The following PHACTR2 variants were observed in gnomAD, a reference collection of about 807,000 sequenced individuals.
PHACTR2 encodes the protein phosphatase and actin regulator 2.
A neutral mutation model predicts 76.0 loss-of-function variants in PHACTR2; 30 were observed. That is an observed-to-expected ratio of 0.39 (90% CI 0.30 to 0.54). PHACTR2 has a LOEUF of 0.54. Ranked by LOEUF, PHACTR2 falls within the 20% of genes least tolerant of loss-of-function variation. PHACTR2 has a pLI of 0.61. For synonymous variants in PHACTR2, 292 were observed against 292.5 expected (o/e 1.00, Z 0.02); for missense variants, 696 against 781.1 (o/e 0.89, Z 1.30).
rs112501693 is a variant in PHACTR2 at position 143,562,649 on chromosome 6, A to G, written c.217+25442A>G. On this transcript the variant is annotated intron_variant, in intron 1 of 11. Coordinates refer to the PHACTR2 transcript ENST00000367584. The surrounding 1 kb of genome is among the most constrained non-coding windows in gnomAD (Gnocchi z 5.1). ...GGGTAATAATCCTGTCTTAAAATTT[A>G]TGTATATACAATTCATGCCACAGAC... Among the ~76,000 whole-genome samples the G allele has an allele frequency of 1.9e-4, 29 of 152,306 alleles. No individual in the cohort carries two copies. The highest frequency in any genetic ancestry group is 6.3e-4 in the African/African-American group (26 of 41,554).
At chr6:143,605,514 C>T (rs943080427), upstream of PHACTR2, among the ~76,000 whole-genome samples, 6 of 151,898 alleles carry the variant, frequency 4.0e-5, no homozygotes, top group Admixed American at 3.3e-4. The surrounding 1 kb of genome is among the most constrained non-coding windows in gnomAD (Gnocchi z 5.0). Context: ...TGCTTTTTCA[C>T]GGTTGCATTG....
At chr6:143,667,786 G>T (rs1777067207) in intron 1 of PHACTR2, among the ~76,000 whole-genome samples, 1 of 152,212 alleles carries the variant, frequency 6.6e-6, no homozygotes, top group Admixed American at 6.5e-5. Flanking sequence ...CTGAGACGAT[G>T]GAGTTTTCTA....
At position 143,742,734 on chromosome 6, in the gene PHACTR2, A is replaced by C. The variant is rs1319570354; in HGVS notation, c.215-6251A>C. On this transcript the variant is annotated intron_variant, in intron 2 of 12. Coordinates refer to ENST00000440869, the MANE Select transcript of PHACTR2 (RefSeq NM_001100164.2). The surrounding 1 kb of genome is among the most constrained non-coding windows in gnomAD (Gnocchi z 4.5). ...AGACATGCCTTTCCTCCTTCCCCCCAAAAAGACACTTAGGTCCCCAATATC... is the reference window on the plus strand; with the variant it reads ...AGACATGCCTTTCCTCCTTCCCCCCCAAAAGACACTTAGGTCCCCAATATC... Among the ~76,000 whole-genome samples, 1 of 152,190 alleles carries C rather than the reference A, an allele frequency of 6.6e-6. No homozygotes were observed. Among genetic ancestry groups the C allele is most frequent in the African/African-American group, 2.4e-5 (1 of 41,446 alleles).
chr6:143,559,269 C>G (rs1249135390), intron 1 of PHACTR2, among the ~76,000 whole-genome samples: 1 of 152,182 alleles, frequency 6.6e-6, no homozygotes, highest in Non-Finnish European at 1.5e-5. Flanking sequence ...TATGATCAAG[C>G]AGGTCAGCCC....
At chr6:143,667,332 T>G (rs1777055971) in intron 1 of PHACTR2, among the ~76,000 whole-genome samples, 1 of 152,230 alleles carries the variant, frequency 6.6e-6, no homozygotes, top group Non-Finnish European at 1.5e-5. Context: ...GCTTTGTTCT[T>G]TTTGCTTAGG....
intron 2 of PHACTR2, among the ~76,000 whole-genome samples, chr6:143,723,776 C>T (rs1262053053): frequency 1.3e-5 from 2 of 151,910 alleles, no homozygotes; most frequent in Non-Finnish European, 2.9e-5. Context: ...CCTACTGCTC[C>T]ATGCCAGATC....
At position 143,595,941 on chromosome 6, in the gene PHACTR2, G is replaced by C. The variant is rs1422390054; in HGVS notation, c.217+58734G>C. ...GGTAGCGTCACTTAGGGAAAAGTTT[G>C]TTCCTTTTTAGTTTTTCTATGGTTC... On this transcript the variant is annotated intron_variant, in intron 1 of 11. Transcript: ENST00000367584. This position sits in a 1 kb window ranked among gnomAD's most constrained non-coding sequence, Gnocchi z 4.2. Among the ~76,000 whole-genome samples, 1 of 152,128 alleles carries C rather than the reference G, an allele frequency of 6.6e-6. No individual in the cohort carries two copies. Among genetic ancestry groups the C allele is most frequent in the Non-Finnish European group, 1.5e-5 (1 of 68,016 alleles).
At position 143,652,911 on chromosome 6, in the gene PHACTR2, C is replaced by T. The variant is rs114046104; in HGVS notation, c.13+44589C>T. Among the ~76,000 whole-genome samples the T allele has an allele frequency of 3.7e-3, 560 of 152,382 alleles. 2 individuals are homozygous for T. Among genetic ancestry groups the T allele is most frequent in the African/African-American group, 0.012 (514 of 41,584 alleles). On this transcript the variant is annotated intron_variant, in intron 1 of 11. Transcript: ENST00000305766. The surrounding 1 kb of genome is among the most constrained non-coding windows in gnomAD (Gnocchi z 4.5). The stretch of plus-strand genomic sequence containing the variant: ...ATTCATGGTCCCTGTGCAGGCACTG[C>T]ACCCAGCACCTTCTCAGGAACATTC...
In PHACTR2 at chr6:143,556,631, C is replaced by T. The variant is rs1354728162; in HGVS notation, c.217+19424C>T. Among the ~76,000 whole-genome samples the T allele has an allele frequency of 6.6e-6, 1 of 152,146 alleles. No homozygotes were observed. Among genetic ancestry groups the T allele is most frequent in the Admixed American group, 6.5e-5 (1 of 15,272 alleles). On this transcript the variant is annotated intron_variant, in intron 1 of 11. Coordinates refer to the PHACTR2 transcript ENST00000367584. This position sits in a 1 kb window ranked among gnomAD's most constrained non-coding sequence, Gnocchi z 4.3. ...AGCCCTAGAGCAGCAATTCAGCTTC[C>T]CAGCTTGGAGGACTCTAGGTTTGAA...
chr6:143,759,712 G>C (rs1440550269), intron 4 of PHACTR2, among the ~76,000 whole-genome samples: 3 of 151,630 alleles, frequency 2.0e-5, no homozygotes, highest in South Asian at 2.1e-4. Context: ...AGGAAGGAAG[G>C]AAAGGGCAGA....
At chr6:143,728,337 G>A (rs182430291) in intron 2 of PHACTR2, among the ~76,000 whole-genome samples, 5 of 148,010 alleles carry the variant, frequency 3.4e-5, no homozygotes, top group East Asian at 4.1e-4. Flanking sequence ...TCAGCCTCCC[G>A]AGTAGCTGGG....
chr6:143,761,967 T>G lies in PHACTR2; in HGVS notation c.694+1327T>G, dbSNP rs1021447334. Among the ~76,000 whole-genome samples, 3 of 152,164 alleles carry G rather than the reference T, an allele frequency of 2.0e-5. No individual in the cohort carries two copies. In the South Asian group the frequency reaches 6.2e-4, roughly 32 times the overall value. ...CATGTCCCGCCTTTGACCTTTAGTG[T>G]CTGGGTCTCTTCTAATAAGCTCTAA... On this transcript the variant is annotated intron_variant, in intron 5 of 12. Transcript: ENST00000440869. This position sits in a 1 kb window ranked among gnomAD's most constrained non-coding sequence, Gnocchi z 5.2.
At position 143,654,542 on chromosome 6, in the gene PHACTR2, C is replaced by T. The variant is rs1312319047; in HGVS notation, c.13+46220C>T. ...AATAAAGGCTGGATACTGTGGCTCACACCTGTAATCTTGGCACTTTGGGAG... is the reference window on the plus strand; with the variant it reads ...AATAAAGGCTGGATACTGTGGCTCATACCTGTAATCTTGGCACTTTGGGAG... On this transcript the variant is annotated intron_variant, in intron 1 of 11. Transcript: ENST00000305766. This position sits in a 1 kb window ranked among gnomAD's most constrained non-coding sequence, Gnocchi z 4.6. Among the ~76,000 whole-genome samples, 1 of 152,154 alleles carries T rather than the reference C, an allele frequency of 6.6e-6. No individual in the cohort carries two copies. Among genetic ancestry groups the T allele is most frequent in the African/African-American group, 2.4e-5 (1 of 41,442 alleles).
At position 143,753,887 on chromosome 6, in the gene PHACTR2, G is replaced by A. The variant is rs768805516; in HGVS notation, c.429G>A (p.Leu143=). 2.5e-6 allele frequency: 4 copies of A among 1,605,150 alleles called. No individual in the cohort carries two copies. The highest frequency in any genetic ancestry group is 1.7e-6 in the Non-Finnish European group (2 of 1,177,572). Residue 143 remains leucine (L), a synonymous_variant, in exon 4 of 13, where the codon CTG becomes CTA. Coordinates refer to ENST00000440869, the MANE Select transcript of PHACTR2 (RefSeq NM_001100164.2). This position sits in a 1 kb window ranked among gnomAD's most constrained non-coding sequence, Gnocchi z 4.6. ...CTGTATCTGAAAAAACACCACCTCT[G>A]GAGGAACAGGCAGAAGATAAGAAAG... is the stretch of plus-strand genomic sequence containing the variant. ...NGSVSEKTPP[L]EEQAEDKKEN... is the part of the protein sequence containing the mutation.
intron 2 of PHACTR2, among the ~76,000 whole-genome samples, chr6:143,719,028 G>A (rs548291942): frequency 2.0e-4 from 30 of 151,560 alleles, no homozygotes; most frequent in Non-Finnish European, 3.7e-4. Context: ...GACTACAGGC[G>A]TGTGCCATTA....
At position 143,730,573 on chromosome 6, in the gene PHACTR2, A is replaced by G. The variant is rs1305579429; in HGVS notation, c.214+18390A>G. Among the ~76,000 whole-genome samples, 1 of 152,222 alleles carries G rather than the reference A, an allele frequency of 6.6e-6. No individual in the cohort carries two copies. Among genetic ancestry groups the G allele is most frequent in the African/African-American group, 2.4e-5 (1 of 41,466 alleles). The stretch of plus-strand genomic sequence containing the variant: ...ACAATTATGTCATCTGTGAATGGGA[A>G]TCATTTTATTTCTTCCATTCTAACC... On this transcript the variant is annotated intron_variant, in intron 2 of 12. Coordinates refer to ENST00000440869, the MANE Select transcript of PHACTR2 (RefSeq NM_001100164.2). This position sits in a 1 kb window ranked among gnomAD's most constrained non-coding sequence, Gnocchi z 4.8.
chr6:143,685,112 T>A lies in PHACTR2; in HGVS notation c.46+6903T>A, dbSNP rs951307107. Among the ~76,000 whole-genome samples, 12 of 152,226 alleles carry A rather than the reference T, an allele frequency of 7.9e-5. No homozygotes were observed. The East Asian group carries it at 2.3e-3, about 29-fold the overall frequency. ...TTATAGAAACCTTTAAATTTTTAAG[T>A]CAAGTTGATTAGTCGTTTTCTTTCT... On this transcript the variant is annotated intron_variant, in intron 1 of 12. Coordinates refer to ENST00000440869, the MANE Select transcript of PHACTR2 (RefSeq NM_001100164.2).
Position 143,767,608 on chromosome 6 carries a change from G to A in PHACTR2, c.1232+1810G>A, listed in dbSNP as rs1779588413. ...TAGAATATTGGCTTACAGTCCTAGG[G>A]GCTGAGAAGTCCAAGATCAAGGCAG... On this transcript the variant is annotated intron_variant, in intron 6 of 12. Transcript: ENST00000440869. The surrounding 1 kb of genome is among the most constrained non-coding windows in gnomAD (Gnocchi z 4.4). Among the ~76,000 whole-genome samples, 1 of 152,084 alleles carries A rather than the reference G, an allele frequency of 6.6e-6. No homozygotes were observed. Among genetic ancestry groups the A allele is most frequent in the South Asian group, 2.1e-4 (1 of 4,816 alleles).
rs955868835 is a variant in PHACTR2 at position 143,558,047 on chromosome 6, T to G, written c.217+20840T>G. ...AACTCTTTCTCTCTGACGTTCTCCT[T>G]GGGTCCATCCCACATGCTGCCTGGG... On this transcript the variant is annotated intron_variant, in intron 1 of 11. Coordinates refer to the PHACTR2 transcript ENST00000367584. The surrounding 1 kb of genome is among the most constrained non-coding windows in gnomAD (Gnocchi z 4.7). 1 of 152,178 alleles carries G rather than the reference T, an allele frequency of 6.6e-6. No homozygotes were observed. The highest frequency in any genetic ancestry group is 6.5e-5 in the Admixed American group (1 of 15,276). The allele number at this position is 152,178 out of a possible 1,614,324, so 9.4% of individuals were successfully genotyped here.
Sources: gnomAD v4.1 joint callset for allele counts (sites outside exome capture counted in the v4.1 genomes callset) on GRCh38, gnomAD v4.1.1 for gene constraint, Gnocchi (gnomAD v3.1) non-coding constraint, MANE v1.5 for transcripts, NCBI Gene and HGNC (gene_info 2026-07-23, HGNC 2026-07-21) for gene names.